Variants in DAG1 observed in about 807,000 individuals in gnomAD.
DAG1 encodes the protein dystroglycan 1, also known as dystroglycan 1 (dystrophin-associated glycoprotein 1).
A neutral mutation model predicts 46.1 loss-of-function variants in DAG1; 8 were observed. The observed-to-expected ratio is 0.17, with a 90% CI of 0.10 to 0.31. The LOEUF (loss-of-function observed/expected upper bound fraction) is 0.31, where lower values mean the gene tolerates loss of function less well. Ranked by LOEUF, DAG1 falls within the 10% of genes least tolerant of loss-of-function variation. The probability of loss-of-function intolerance (pLI) is 1.00; values close to 1 mark genes in which losing one functional copy is unlikely to be tolerated. For synonymous variants in DAG1, 495 were observed against 481.8 expected, an observed-to-expected ratio of 1.03 and a Z score of -0.36; for missense variants, 1,003 against 1,189.9, an observed-to-expected ratio of 0.84 and a Z score of 2.31.
Position 49,532,968 on chromosome 3 carries a change from G to A in DAG1, c.2457G>A (p.Leu819=). 2 of 1,614,026 alleles carry A rather than the reference G, an allele frequency of 1.2e-6. No homozygotes were observed. Among genetic ancestry groups the A allele is most frequent in the Non-Finnish European group, 1.7e-6 (2 of 1,179,984 alleles). The change falls in exon 3 of 3, where the codon CTG becomes CTA. Residue 819 remains leucine (L), a synonymous_variant. Coordinates refer to ENST00000308775, the MANE Select transcript of DAG1 (RefSeq NM_004393.6). The surrounding 1 kb of genome is among the most constrained non-coding windows in gnomAD (Gnocchi z 5.4). ...CCTCCTCCAGCATGCCACTCATTCTGCAGGAGGAGAAGGCTCCCCTACCCC... is the reference window on the plus strand; with the variant it reads ...CCTCCTCCAGCATGCCACTCATTCTACAGGAGGAGAAGGCTCCCCTACCCC... ...PPPSSSMPLI[L]QEEKAPLPPP...
intron 2 of DAG1, among the ~76,000 whole-genome samples, chr3:49,522,626 G>GA (rs1167028394): frequency 2.6e-5 from 4 of 152,066 alleles, no homozygotes; most frequent in African/African-American, 9.7e-5. Flanking sequence ...ACTTTTTGTG[G>GA]ATCTGCCCAG....
chr3:49,470,189 G>A (rs1009478135), upstream of DAG1: 1 of 151,514 alleles, frequency 6.6e-6, no homozygotes. Flanking sequence ...CTGGCCGCTG[G>A]ATTGGCTGCA....
Position 49,531,280 on chromosome 3 carries a change from C to A in DAG1, c.769C>A (p.Leu257Ile). The A allele has an allele frequency of 6.2e-7, 1 of 1,614,160 alleles. No homozygotes were observed. The highest frequency in any genetic ancestry group is 8.5e-7 in the Non-Finnish European group (1 of 1,180,030). Reference protein sequence around the residue: ...NAKKVVENGALLSWKLGCSLN... With the variant: ...NAKKVVENGAILSWKLGCSLN... The stretch of plus-strand genomic sequence containing the variant: ...AAAAAAGGTGGTGGAGAATGGGGCC[C>A]TTCTCTCCTGGAAGCTGGGCTGCTC... The change falls in exon 3 of 3, where the codon CTT becomes ATT. Residue 257 changes from leucine to isoleucine, a missense_variant. Coordinates refer to ENST00000308775, the MANE Select transcript of DAG1 (RefSeq NM_004393.6). The surrounding 1 kb of genome is among the most constrained non-coding windows in gnomAD (Gnocchi z 7.0).
intron 1 of DAG1, among the ~76,000 whole-genome samples, chr3:49,475,839 G>A (rs1258831503): frequency 1.3e-5 from 2 of 151,860 alleles, no homozygotes; most frequent in African/African-American, 4.8e-5. Context: ...GAGTAGCTGG[G>A]ACTACAGGTG....
intron 1 of DAG1, among the ~76,000 whole-genome samples, chr3:49,484,422 A>T (rs1417554539): frequency 6.6e-6 from 1 of 151,980 alleles, no homozygotes; most frequent in African/African-American, 2.4e-5. Flanking sequence ...GACTTTGCTG[A>T]CTAGAGAGGG....
chr3:49,476,477 G>A (rs12330269), intron 1 of DAG1, among the ~76,000 whole-genome samples: 43,289 of 151,912 alleles, frequency 0.28, 6,683 homozygotes, highest in Middle Eastern at 0.31. Context: ...TGTAATCCAA[G>A]CTGCTTGGTA....
intron 1 of DAG1, among the ~76,000 whole-genome samples, chr3:49,471,860 G>C (rs934794650): frequency 3.3e-5 from 5 of 152,174 alleles, no homozygotes; most frequent in African/African-American, 4.8e-5. Flanking sequence ...GTGGGGACCA[G>C]GGAACCCATG....
chr3:49,512,751 T>G (rs181961703), intron 2 of DAG1, among the ~76,000 whole-genome samples: 4 of 149,434 alleles, frequency 2.7e-5, no homozygotes, highest in Admixed American at 1.3e-4. Flanking sequence ...GCAGATTGCT[T>G]GAGCCCAGGA....
intron 1 of DAG1, among the ~76,000 whole-genome samples, chr3:49,495,956 A>T (rs1489552166): frequency 6.6e-6 from 1 of 151,978 alleles, no homozygotes; most frequent in Non-Finnish European, 1.5e-5. Context: ...AACAGAAAAA[A>T]AAAAACCCCA....
In DAG1 at chr3:49,531,206, A is replaced by G. The variant is rs779274447; in HGVS notation, c.695A>G (p.Asn232Ser). The stretch of plus-strand genomic sequence containing the variant: ...AACATGAAATTAGTGCCGGTGGTGA[A>G]TAACAGACTATTTGACATGTCGGCC... The part of the protein sequence containing the change: ...LHNMKLVPVV[N>S]NRLFDMSAFM... The change falls in exon 3 of 3, where the codon AAT becomes AGT. Residue 232 changes from asparagine to serine, a missense_variant. By Grantham distance (46) the Asn-to-Ser change is conservative. Transcript: ENST00000308775. The surrounding 1 kb of genome is among the most constrained non-coding windows in gnomAD (Gnocchi z 7.0). 1.5e-5 allele frequency: 25 copies of G among 1,614,074 alleles called. No individual in the cohort carries two copies. Among genetic ancestry groups the G allele is most frequent in the Middle Eastern group, 3.3e-4 (2 of 6,084 alleles).
rs1172737722 is a variant in DAG1, at chr3:49,531,497, C to T, written c.986C>T (p.Thr329Met). The T allele has an allele frequency of 3.1e-6, 5 of 1,613,436 alleles. No homozygotes were observed. The highest frequency in any genetic ancestry group is 1.3e-5 in the African/African-American group (1 of 75,018). Residue 329 changes from threonine to methionine, a missense_variant, in exon 3 of 3, where the codon ACG (threonine) becomes ATG (methionine). By Grantham distance (81) the Thr-to-Met change is moderately conservative. Transcript: ENST00000308775. The surrounding 1 kb of genome is among the most constrained non-coding windows in gnomAD (Gnocchi z 7.0). Reference protein sequence around the residue: ...TPVTAIGPPTTAIQEPPSRIV... With the variant: ...TPVTAIGPPTMAIQEPPSRIV... ...GTCACTGCCATTGGGCCCCCAACCA[C>T]GGCTATCCAGGAGCCCCCATCCAGG...
At chr3:49,469,388 G>C (rs1199404815), upstream of DAG1, among the ~76,000 whole-genome samples, 1 of 152,162 alleles carries the variant, frequency 6.6e-6, no homozygotes, top group South Asian at 2.1e-4. Context: ...CTTTTGGGGT[G>C]GGGGGCTGCA....
intron 1 of DAG1, among the ~76,000 whole-genome samples, chr3:49,493,135 C>A (rs1351390309): frequency 6.8e-6 from 1 of 147,800 alleles, no homozygotes; most frequent in African/African-American, 2.5e-5. Flanking sequence ...ACCTCAACCT[C>A]CCAGGCTCAA....
In DAG1 at chr3:49,533,108, C is replaced by T. The variant is rs2051414142; in HGVS notation, c.2597C>T (p.Pro866Leu). 1 of 1,614,208 alleles carries T rather than the reference C, an allele frequency of 6.2e-7. No individual in the cohort carries two copies. Among genetic ancestry groups the T allele is most frequent in the African/African-American group, 1.3e-5 (1 of 75,066 alleles). ...EDPNAPPYQP[P>L]PPFTAPMEGK... The stretch of plus-strand genomic sequence containing the variant: ...CCCAATGCGCCTCCCTACCAGCCCC[C>T]ACCGCCCTTCACAGCACCCATGGAG... Residue 866 changes from proline (P) to leucine (L), a missense_variant, in exon 3 of 3, where the codon CCA becomes CTA. By Grantham distance (98) the Pro-to-Leu change is moderately conservative. Coordinates refer to ENST00000308775, the MANE Select transcript of DAG1 (RefSeq NM_004393.6).
At chr3:49,469,636 G>A (rs2049454256), upstream of DAG1, among the ~76,000 whole-genome samples, 2 of 152,206 alleles carry the variant, frequency 1.3e-5, no homozygotes, top group Admixed American at 1.3e-4. Flanking sequence ...TCCCCAGCCT[G>A]CTGTGGGCGA....
At position 49,533,842 on chromosome 3, in the gene DAG1, A is replaced by G. The variant is rs2051438281; in HGVS notation, c.*643A>G. 5.5e-6 allele frequency: 1 copy of G among 182,388 alleles called. No individual in the cohort carries two copies. The highest frequency in any genetic ancestry group is 1.1e-4 in the South Asian group (1 of 9,094). 11.3% of individuals were successfully genotyped at this position (182,388 alleles called of 1,614,324 possible). A position where few individuals can be genotyped will look rare whatever the true frequency, so the allele number is the denominator to read the frequency against. On this transcript the variant is annotated 3_prime_UTR_variant, in exon 3 of 3. Transcript: ENST00000308775. ...TATCAAAGGAATACTATTTTTTCAC[A>G]CTACGTCAACTTGGTTGCTCTGATA...
chr3:49,531,438 C>T lies in DAG1; in HGVS notation c.927C>T (p.Arg309=), dbSNP rs551679833. The T allele has an allele frequency of 2.2e-4, 350 of 1,613,982 alleles. 1 individual carries two copies. The South Asian group carries it at 2.9e-3, about 13-fold the overall frequency. Residue 309 remains arginine (R), a synonymous_variant, in exon 3 of 3, where the codon CGC becomes CGT. Coordinates refer to ENST00000308775, the MANE Select transcript of DAG1 (RefSeq NM_004393.6). The surrounding 1 kb of genome is among the most constrained non-coding windows in gnomAD (Gnocchi z 7.0). ...IANKKPPLPK[R]VRRQIHATPT... Reference sequence around the variant, plus strand: ...ATAAGAAGCCCCCTCTTCCCAAACGCGTCCGGAGGCAGATCCATGCTACAC... The same window carrying T: ...ATAAGAAGCCCCCTCTTCCCAAACGTGTCCGGAGGCAGATCCATGCTACAC...
In DAG1 at chr3:49,503,615, T is replaced by C. The variant is rs574745018; in HGVS notation, c.-116-6804T>C. Among the ~76,000 whole-genome samples, 5 of 152,262 alleles carry C rather than the reference T, an allele frequency of 3.3e-5. No individual in the cohort carries two copies. The South Asian group carries it at 6.2e-4, about 19-fold the overall frequency. Reference sequence around the variant, plus strand: ...GAGAGGCCAAGGTGGGTGGATTGCTTTAGCCCAGGATTTTGAGACCAGGCT... The same window carrying C: ...GAGAGGCCAAGGTGGGTGGATTGCTCTAGCCCAGGATTTTGAGACCAGGCT... On this transcript the variant is annotated intron_variant, in intron 1 of 2. Coordinates refer to ENST00000308775, the MANE Select transcript of DAG1 (RefSeq NM_004393.6).
chr3:49,522,552 G>A (rs1033434776), intron 2 of DAG1, among the ~76,000 whole-genome samples: 2 of 141,866 alleles, frequency 1.4e-5, no homozygotes, highest in Non-Finnish European at 3.0e-5. Flanking sequence ...TGATCCTCCC[G>A]CCTCAGCCTC....
Sources: allele counts gnomAD v4.1 joint callset (sites outside exome capture counted in the v4.1 genomes callset), GRCh38; gene constraint gnomAD v4.1.1; non-coding constraint Gnocchi (gnomAD v3.1); transcripts MANE v1.5; gene names NCBI Gene and HGNC (gene_info 2026-07-23, HGNC 2026-07-21).